The following CUX2 variants were observed in gnomAD, a reference collection of about 807,000 sequenced individuals.
CUX2 encodes the protein cut like homeobox 2, also known as homeobox protein cut-like 2.
CUX2 carries 40 observed loss-of-function variants against 144.8 expected under a neutral mutation model. The observed-to-expected ratio is 0.28, with a 90% CI of 0.21 to 0.36. The LOEUF is 0.36. Ranked by LOEUF, CUX2 falls within the 10% of genes least tolerant of loss-of-function variation. The pLI, the probability that CUX2 is intolerant of heterozygous loss-of-function variation, is 1.00. For missense variants in CUX2, 1,615 were observed against 1,994.0 expected, an observed-to-expected ratio of 0.81 and a Z score of 3.62; for synonymous variants, 827 against 875.6, an observed-to-expected ratio of 0.94 and a Z score of 0.98.
At chr12:111,155,867 A>G (rs1419343388) in intron 1 of CUX2, among the ~76,000 whole-genome samples, 1 of 152,220 alleles carries the variant, frequency 6.6e-6, no homozygotes, top group African/African-American at 2.4e-5. Context: ...AGTGACTTTT[A>G]TAGCACATTA....
intron 1 of CUX2, among the ~76,000 whole-genome samples, chr12:111,175,819 AG>A (rs1878818636): frequency 6.6e-6 from 1 of 151,802 alleles, no homozygotes; most frequent in Non-Finnish European, 1.5e-5. Flanking sequence ...AAAAAAAAAA[AG>A]TAAGCGGGGA....
intron 1 of CUX2, among the ~76,000 whole-genome samples, chr12:111,169,671 G>A (rs1032555300): frequency 4.6e-5 from 7 of 152,158 alleles, no homozygotes; most frequent in Admixed American, 3.9e-4. Flanking sequence ...CCTGCTTCGC[G>A]TCACGTTAAT....
intron 1 of CUX2, among the ~76,000 whole-genome samples, chr12:111,155,355 C>G (rs1877306544): frequency 6.6e-6 from 1 of 152,168 alleles, no homozygotes; most frequent in Non-Finnish European, 1.5e-5. Flanking sequence ...AGTAAACGTT[C>G]AGCAAATGTT....
chr12:111,212,215 T>G (rs977808449), intron 1 of CUX2, among the ~76,000 whole-genome samples: 1 of 152,192 alleles, frequency 6.6e-6, no homozygotes, highest in African/African-American at 2.4e-5. Flanking sequence ...GTGATTAGTT[T>G]TAAGTGATGA....
At chr12:111,242,222 T>C (rs1304271959) in intron 3 of CUX2, among the ~76,000 whole-genome samples, 1 of 152,242 alleles carries the variant, frequency 6.6e-6, no homozygotes, top group Admixed American at 6.5e-5. Context: ...GAACTGTTAT[T>C]ATCCCCATCT....
chr12:111,282,038 C>T (rs1222654558), intron 4 of CUX2, among the ~76,000 whole-genome samples: 1 of 152,118 alleles, frequency 6.6e-6, no homozygotes, highest in African/African-American at 2.4e-5. Context: ...AAACATACCA[C>T]AGGCCGGGTG....
Position 111,292,893 on chromosome 12 carries a change from C to T in CUX2, c.437-553C>T, listed in dbSNP as rs1308504102. Among the ~76,000 whole-genome samples the T allele has an allele frequency of 3.3e-5, 5 of 152,248 alleles. No homozygotes were observed. The South Asian group carries it at 8.3e-4, about 25-fold the overall frequency. On this transcript the variant is annotated intron_variant, in intron 5 of 21. Transcript: ENST00000261726. ...ATCCCAGCACTTTGGGAGGCCAAGG[C>T]GGGCAGATCACTTGAGGTCAGGAGT...
Position 111,310,504 on chromosome 12 carries a change from G to A in CUX2, c.1722G>A (p.Arg574=). ...TGCTGAAACACAACATCGGGCAGCG[G>A]GTGTTTGGGCATTACGTGCTGGGGC... ...EQLLKHNIGQ[R]VFGHYVLGLS... is the part of the protein sequence containing the mutation. Residue 574 remains arginine, a synonymous_variant, in exon 15 of 22, where the codon CGG becomes CGA. Transcript: ENST00000261726. The surrounding 1 kb of genome is among the most constrained non-coding windows in gnomAD (Gnocchi z 7.9). 1 of 1,614,076 alleles carries A rather than the reference G, an allele frequency of 6.2e-7. No homozygotes were observed. The highest frequency in any genetic ancestry group is 8.5e-7 in the Non-Finnish European group (1 of 1,180,016).
chr12:111,291,318 C>T, intron 4 of CUX2, 100 bp from the exon 5 acceptor site: 1 of 1,412,296 alleles, frequency 7.1e-7, no homozygotes, highest in South Asian at 1.5e-5. Flanking sequence ...AGCGGGGTGA[C>T]TCCGATGGCT....
At chr12:111,110,727 G>T (rs1278029759) in intron 1 of CUX2, among the ~76,000 whole-genome samples, 1 of 152,162 alleles carries the variant, frequency 6.6e-6, no homozygotes, top group Non-Finnish European at 1.5e-5. Context: ...AAACAGTTTT[G>T]GCATTCATTA....
intron 4 of CUX2, among the ~76,000 whole-genome samples, chr12:111,285,340 C>G (rs554856183): frequency 6.6e-6 from 1 of 152,240 alleles, no homozygotes; most frequent in South Asian, 2.1e-4. Flanking sequence ...GGGATTCATT[C>G]AAATTCCCAG....
rs765891378 is a variant in CUX2, at chr12:111,263,860, G to A, written c.301+21G>A. 43 of 1,598,632 alleles carry A rather than the reference G, an allele frequency of 2.7e-5. No homozygotes were observed. In the East Asian group the frequency reaches 4.2e-4, roughly 16 times the overall value. On this transcript the variant is annotated intron_variant, in intron 4 of 21. Transcript: ENST00000261726. The surrounding 1 kb of genome is among the most constrained non-coding windows in gnomAD (Gnocchi z 4.0). ...ACCAGGTAAGAAATGCTTGGGCTCCGTAATTGAATAGTTAACGACAATAAA... is the reference window on the plus strand; with the variant it reads ...ACCAGGTAAGAAATGCTTGGGCTCCATAATTGAATAGTTAACGACAATAAA...
At chr12:111,214,027 G>T in intron 1 of CUX2, among the ~76,000 whole-genome samples, 173 bp from the exon 2 acceptor site, 1 of 151,902 alleles carries the variant, frequency 6.6e-6, no homozygotes, top group Non-Finnish European at 1.5e-5. Context: ...TTGCATCCCA[G>T]TTTTGTAAAT....
chr12:111,134,492 A>G (rs1875708097), intron 1 of CUX2, among the ~76,000 whole-genome samples: 1 of 152,128 alleles, frequency 6.6e-6, no homozygotes, highest in South Asian at 2.1e-4. Flanking sequence ...TCCCAAAACC[A>G]TGTCTGAATA....
chr12:111,249,030 T>C (rs896070051), intron 3 of CUX2, among the ~76,000 whole-genome samples: 2 of 152,216 alleles, frequency 1.3e-5, no homozygotes, highest in South Asian at 4.1e-4. Context: ...GGGGTGCATC[T>C]GGCCGTGGAC....
At chr12:111,130,072 T>G (rs1423595207) in intron 1 of CUX2, among the ~76,000 whole-genome samples, 1 of 152,182 alleles carries the variant, frequency 6.6e-6, no homozygotes, top group East Asian at 1.9e-4. Flanking sequence ...TTCCTTTTCC[T>G]CAGTGCACAG....
intron 1 of CUX2, among the ~76,000 whole-genome samples, chr12:111,196,132 T>C (rs1248124100): frequency 2.0e-5 from 3 of 152,238 alleles, no homozygotes; most frequent in Non-Finnish European, 4.4e-5. Flanking sequence ...TTGTATCAGC[T>C]TCTTACATTA....
intron 1 of CUX2, among the ~76,000 whole-genome samples, chr12:111,089,529 A>G (rs113720493): frequency 0.019 from 2,937 of 152,270 alleles, 97 homozygotes; most frequent in African/African-American, 0.066. Context: ...TCCAGGCCCT[A>G]CAGTGCTCTC....
At chr12:111,117,387 T>G (rs1024189322) in intron 1 of CUX2, among the ~76,000 whole-genome samples, 67 of 152,188 alleles carry the variant, frequency 4.4e-4, no homozygotes, top group African/African-American at 1.6e-3. Context: ...TTCACCATGC[T>G]AGAAGTATGG....
Sources: gnomAD v4.1 joint callset for allele counts (sites outside exome capture counted in the v4.1 genomes callset) on GRCh38, gnomAD v4.1.1 for gene constraint, Gnocchi (gnomAD v3.1) non-coding constraint, MANE v1.5 for transcripts, NCBI Gene and HGNC (gene_info 2026-07-23, HGNC 2026-07-21) for gene names.